The following RLIM variants were observed in gnomAD, a reference collection of about 807,000 sequenced individuals.
RLIM encodes E3 ubiquitin-protein ligase RLIM.
Under a neutral mutation model 34.0 loss-of-function variants are expected in RLIM, and 2 were observed. That is an observed-to-expected ratio of 0.06 (90% CI 0.02 to 0.19). The LOEUF (loss-of-function observed/expected upper bound fraction) is 0.19. Ranked by LOEUF, RLIM falls within the 10% of genes least tolerant of loss-of-function variation. The pLI is 1.00. For missense variants in RLIM, 286 were observed against 479.7 expected, an observed-to-expected ratio of 0.60 and a Z score of 3.77; for synonymous variants, 169 against 164.0, an observed-to-expected ratio of 1.03 and a Z score of -0.23.
Position 74,613,638 on chromosome X carries a change from CTT to C in RLIM, c.-24+782_-24+783del, listed in dbSNP as rs11416723. Reference sequence around the variant, plus strand: ...CTGCAGAAGCAGAGACCCCCCTAGGCTTTTTTTTTTTTTTTTAATGGGGGAGG... The same window carrying C: ...CTGCAGAAGCAGAGACCCCCCTAGGCTTTTTTTTTTTTTTAATGGGGGAGG... On this transcript the variant is annotated intron_variant, in intron 1 of 3. Transcript: ENST00000332687. Among the ~76,000 whole-genome samples the C allele has an allele frequency of 1.5e-4, 13 of 87,550 alleles. No individual in the cohort carries two copies. The South Asian group carries it at 1.9e-3, about 13-fold the overall frequency. 76.0% of individuals were successfully genotyped at this position (87,550 alleles called of 115,157 possible). A position where few individuals can be genotyped will look rare whatever the true frequency, so the allele number is the denominator to read the frequency against.
In RLIM at chrX:74,588,477, AC is replaced by A. The variant is rs1173114154; in HGVS notation, c.*2962del. The A allele has an allele frequency of 1.8e-5, 2 of 111,459 alleles. No homozygotes were observed. The highest frequency in any genetic ancestry group is 5.6e-4 in the East Asian group (2 of 3,553). The allele number at this position is 111,459 out of a possible 1,213,427, so 9.2% of individuals were successfully genotyped here. On this transcript the variant is annotated 3_prime_UTR_variant, in exon 4 of 4. Transcript: ENST00000332687. ...CCAAGTAAGACTCTGTCTCAAAAAA[AC>A]AAAACAAAACAAAACAAAACAAAAA...
In RLIM at chrX:74,592,005, A is replaced by G; in HGVS notation, c.1310T>C (p.Met437Thr). 3.3e-6 allele frequency: 4 copies of G among 1,211,499 alleles called. No homozygotes were observed. The highest frequency in any genetic ancestry group is 4.5e-6 in the Non-Finnish European group (4 of 895,438). The change falls in exon 4 of 4, where the codon ATG (methionine) becomes ACG (threonine). Residue 437 changes from methionine (M) to threonine (T), a missense_variant. Met to Thr is a moderately conservative substitution (Grantham distance 81). Coordinates refer to ENST00000332687, the MANE Select transcript of RLIM (RefSeq NM_016120.4). ...EPTGSVSNRN[M>T]ERAESRSGRG... is the part of the protein sequence containing the mutation. ...TCCACTCCGTGACTCTGCCCTTTCC[A>G]TATTTCGATTTGAGACTGAGCCAGT...
chrX:74,583,641 T>G lies in RLIM; in HGVS notation c.*7799A>C. The G allele has an allele frequency of 2.4e-6, 1 of 421,627 alleles. No homozygotes were observed. The highest frequency in any genetic ancestry group is 2.5e-5 in the African/African-American group (1 of 40,796). The allele number at this position is 421,627 out of a possible 1,213,427, so 34.7% of individuals were successfully genotyped here. A position where few individuals can be genotyped will look rare whatever the true frequency, so the allele number is the denominator to read the frequency against. On this transcript the variant is annotated 3_prime_UTR_variant, in exon 4 of 4. Coordinates refer to ENST00000332687, the MANE Select transcript of RLIM (RefSeq NM_016120.4). ...GGCTGATTACAAGGTACACTTAAAC[T>G]GCTAAAATGATAGTTCATGTTATTC...
At position 74,583,926 on chromosome X, in the gene RLIM, A is replaced by G. The variant is rs1352002287; in HGVS notation, c.*7514T>C. On this transcript the variant is annotated 3_prime_UTR_variant, in exon 4 of 4. Transcript: ENST00000332687. Reference sequence around the variant, plus strand: ...CTGGGCGTGGTGGCGGGCGCCTGTAATCCCAGCTACTCGGGAGGCTGAGGC... The same window carrying G: ...CTGGGCGTGGTGGCGGGCGCCTGTAGTCCCAGCTACTCGGGAGGCTGAGGC... 6.3e-5 allele frequency among the ~76,000 whole-genome samples: 7 copies of G among 110,731 alleles called. No individual in the cohort carries two copies. The highest frequency in any genetic ancestry group is 2.0e-4 in the African/African-American group (6 of 30,360).
At chrX:74,606,093 C>T in intron 1 of RLIM, among the ~76,000 whole-genome samples, 1 of 112,419 alleles carries the variant, frequency 8.9e-6, no homozygotes, top group Admixed American at 9.4e-5. Flanking sequence ...TGTTCACTCC[C>T]TGTATGAAAA....
At chrX:74,602,474 G>A (rs1362314806) in intron 1 of RLIM, among the ~76,000 whole-genome samples, 1 of 111,679 alleles carries the variant, frequency 9.0e-6, no homozygotes, top group Non-Finnish European at 1.9e-5. Context: ...GCTCACACCT[G>A]TAATCCCAGC....
chrX:74,594,265 T>C, intron 3 of RLIM, 41 bp downstream of exon 3: 1 of 961,101 alleles, frequency 1.0e-6, no homozygotes, highest in African/African-American at 1.9e-5. Context: ...GTTCCTATCA[T>C]CCCATCGTCT....
At position 74,592,213 on chromosome X, in the gene RLIM, A is replaced by C; in HGVS notation, c.1102T>G (p.Ser368Ala). The change falls in exon 4 of 4, where the codon TCA becomes GCA. Residue 368 changes from serine to alanine, a missense_variant. Around this residue, in one of 6 missense-constraint regions of RLIM, gnomAD observed 121 missense variants for 182.4 expected, o/e 0.66. Transcript: ENST00000332687. ...CTCACACCTGCCCGCTCAGAACGTG[A>C]AAATGTACGCCTAAAACCTCCTCGT... The part of the protein sequence containing the change: ...SERGGFRRTF[S>A]RSERAGVRTY... The C allele has an allele frequency of 8.3e-7, 1 of 1,212,082 alleles. No homozygotes were observed. Among genetic ancestry groups the C allele is most frequent in the Non-Finnish European group, 1.1e-6 (1 of 895,612 alleles).
chrX:74,611,690 A>G (rs2079711691), intron 1 of RLIM, among the ~76,000 whole-genome samples: 1 of 112,072 alleles, frequency 8.9e-6, no homozygotes, highest in Admixed American at 9.5e-5. Flanking sequence ...ACAACCTTTC[A>G]TTTTCATTGC....
chrX:74,607,003 C>T (rs779153874), intron 1 of RLIM, among the ~76,000 whole-genome samples: 1 of 110,243 alleles, frequency 9.1e-6, no homozygotes, highest in African/African-American at 3.3e-5. Context: ...GGCATGGTAA[C>T]GCGCATCTGT....
intron 1 of RLIM, among the ~76,000 whole-genome samples, chrX:74,601,525 C>G (rs1302176157): frequency 9.0e-6 from 1 of 111,712 alleles, no homozygotes; most frequent in Non-Finnish European, 1.9e-5. Flanking sequence ...CAAACCCCCC[C>G]CCAAAAAGAT....
intron 1 of RLIM, among the ~76,000 whole-genome samples, chrX:74,612,239 A>G (rs747469630): frequency 8.9e-6 from 1 of 112,313 alleles, no homozygotes; most frequent in Non-Finnish European, 1.9e-5. Flanking sequence ...TATCCAATGA[A>G]CATTTAAATG....
chrX:74,594,495 A>T (rs745762663), intron 2 of RLIM, 106 bp from the exon 3 acceptor site: 4 of 534,794 alleles, frequency 7.5e-6, no homozygotes, highest in Non-Finnish European at 1.1e-5. Flanking sequence ...AAAAAAAATC[A>T]TATTTTTAAA....
At position 74,584,669 on chromosome X, in the gene RLIM, C is replaced by T. The variant is rs758145769; in HGVS notation, c.*6771G>A. ...ATGGCTCACTGCAGCCTTGACCTCC[C>T]GGGCTCAAGTGATTCTACCACCTCA... On this transcript the variant is annotated 3_prime_UTR_variant, in exon 4 of 4. Coordinates refer to ENST00000332687, the MANE Select transcript of RLIM (RefSeq NM_016120.4). Among the ~76,000 whole-genome samples the T allele has an allele frequency of 8.1e-5, 9 of 110,868 alleles. No homozygotes were observed. In the South Asian group the frequency reaches 1.9e-3, roughly 24 times the overall value.
In RLIM at chrX:74,614,501, C is replaced by G. The variant is rs972594549; in HGVS notation, c.-103G>C. The G allele has an allele frequency of 8.8e-6, 1 of 113,069 alleles. No homozygotes were observed. Among genetic ancestry groups the G allele is most frequent in the African/African-American group, 3.2e-5 (1 of 31,000 alleles). The allele number at this position is 113,069 out of a possible 1,213,427, so 9.3% of individuals were successfully genotyped here. A position where few individuals can be genotyped will look rare whatever the true frequency, so the allele number is the denominator to read the frequency against. ...GCTCCGCACCTCCCTGGCCGCCGCT[C>G]TCAAGCCCGCCTCCAATGAGTAGCT... On this transcript the variant is annotated 5_prime_UTR_variant, in exon 1 of 4. Coordinates refer to ENST00000332687, the MANE Select transcript of RLIM (RefSeq NM_016120.4).
At chrX:74,601,006 A>G (rs111484726) in intron 1 of RLIM, among the ~76,000 whole-genome samples, 10,755 of 110,223 alleles carry the variant, frequency 0.098, 416 homozygotes, top group Admixed American at 0.13. Context: ...CCTGGGTGAC[A>G]AGAATGAAAC....
rs952085435 is a variant in RLIM at position 74,587,130 on chromosome X, C to G, written c.*4310G>C. 3.6e-5 allele frequency: 4 copies of G among 111,945 alleles called. No homozygotes were observed. The highest frequency in any genetic ancestry group is 1.3e-4 in the African/African-American group (4 of 30,833). 9.2% of individuals were successfully genotyped at this position (111,945 alleles called of 1,213,427 possible). ...AAAATAAAAATAAATAAGTGACATA[C>G]TAGTTCCTCGGATCTTTTACTTTTT... On this transcript the variant is annotated 3_prime_UTR_variant, in exon 4 of 4. Coordinates refer to ENST00000332687, the MANE Select transcript of RLIM (RefSeq NM_016120.4).
At chrX:74,600,828 A>G (rs1444019950) in intron 1 of RLIM, among the ~76,000 whole-genome samples, 1 of 101,978 alleles carries the variant, frequency 9.8e-6, no homozygotes, top group Non-Finnish European at 2.0e-5. Context: ...CCTGGTCAAC[A>G]TGGTGAAACC....
At chrX:74,606,199 T>G (rs1356874808) in intron 1 of RLIM, among the ~76,000 whole-genome samples, 1 of 112,359 alleles carries the variant, frequency 8.9e-6, no homozygotes, top group Non-Finnish European at 1.9e-5. Flanking sequence ...AAAATACAGT[T>G]GCTCCTTAGA....
Sources: allele counts gnomAD v4.1 joint callset (sites outside exome capture counted in the v4.1 genomes callset), GRCh38; gene constraint gnomAD v4.1.1; regional missense constraint gnomAD v4.1.1; transcripts MANE v1.5; gene names NCBI Gene and HGNC (gene_info 2026-07-23, HGNC 2026-07-21).